DYNC2H1: variants seen among roughly 807,000 people sequenced by gnomAD.
DYNC2H1 encodes dynein cytoplasmic 2 heavy chain 1.
DYNC2H1 carries 410 observed loss-of-function variants against 570.0 expected under a neutral mutation model. The ratio of observed to expected loss-of-function variants is 0.72; its 90% CI spans 0.66 to 0.78. The LOEUF is 0.78. DYNC2H1 is among the 30% of genes least tolerant of loss of function. The pLI is 0.00. For missense variants in DYNC2H1, 4,865 were observed against 5,046.4 expected, an observed-to-expected ratio of 0.96 and a Z score of 1.09; for synonymous variants, 1,688 against 1,677.6, an observed-to-expected ratio of 1.01 and a Z score of -0.15.
intron 84 of DYNC2H1, among the ~76,000 whole-genome samples, chr11:103,415,706 T>G (rs1943255810): frequency 6.6e-6 from 1 of 152,222 alleles, no homozygotes; most frequent in African/African-American, 2.4e-5. Flanking sequence ...TTGGTGGGAC[T>G]GTAAACTGGT....
intron 54 of DYNC2H1, among the ~76,000 whole-genome samples, chr11:103,214,891 G>A (rs1863320317): frequency 6.7e-6 from 1 of 149,284 alleles, no homozygotes; most frequent in African/African-American, 2.5e-5. Context: ...ATTCCTAGGT[G>A]TTATTTATTT....
chr11:103,374,711 C>T (rs1941320466), intron 83 of DYNC2H1, among the ~76,000 whole-genome samples: 1 of 152,114 alleles, frequency 6.6e-6, no homozygotes, highest in Non-Finnish European at 1.5e-5. Flanking sequence ...TTTGACCCTG[C>T]CCTAGAGAAC....
intron 84 of DYNC2H1, among the ~76,000 whole-genome samples, chr11:103,413,904 A>T (rs182721299): frequency 3.9e-4 from 60 of 152,312 alleles, no homozygotes; most frequent in African/African-American, 1.4e-3. Context: ...TTAGCAAGAG[A>T]TTTTAACTTC....
chr11:103,415,412 A>G (rs914626526), intron 84 of DYNC2H1, among the ~76,000 whole-genome samples: 2 of 152,188 alleles, frequency 1.3e-5, no homozygotes, highest in Non-Finnish European at 2.9e-5. Flanking sequence ...AATTTTTGCA[A>G]TCTATTCATC....
intron 47 of DYNC2H1, among the ~76,000 whole-genome samples, chr11:103,196,663 G>C (rs1034181083): frequency 6.6e-6 from 1 of 152,112 alleles, no homozygotes; most frequent in Non-Finnish European, 1.5e-5. Flanking sequence ...ACCCCAGGGA[G>C]TATCAGTATA....
rs1437736592 is a variant in DYNC2H1, at chr11:103,204,151, A to C, written c.8311+375A>C. ...GTGCAGAAAAACTCCTGTTTTTAAA[A>C]CCATGAGATCTCATGAGAGCCATTC... On this transcript the variant is annotated intron_variant, in intron 51 of 88. Coordinates refer to ENST00000375735, the MANE Select transcript of DYNC2H1 (RefSeq NM_001377.3). This position sits in a 1 kb window ranked among gnomAD's most constrained non-coding sequence, Gnocchi z 4.1. Among the ~76,000 whole-genome samples, 1 of 152,188 alleles carries C rather than the reference A, an allele frequency of 6.6e-6. No individual in the cohort carries two copies. Among genetic ancestry groups the C allele is most frequent in the South Asian group, 2.1e-4 (1 of 4,814 alleles).
chr11:103,143,832 C>CA (rs1442848918), intron 18 of DYNC2H1, among the ~76,000 whole-genome samples: 1 of 152,078 alleles, frequency 6.6e-6, no homozygotes, highest in Non-Finnish European at 1.5e-5. Context: ...TAAATGTGGA[C>CA]AAAAGCCTCT....
At chr11:103,407,493 G>A (rs990486990) in intron 84 of DYNC2H1, 1 of 151,926 alleles carries the variant, frequency 6.6e-6, no homozygotes, top group Admixed American at 6.6e-5. Flanking sequence ...GACATATGCA[G>A]AATGCTAGCG....
In DYNC2H1 at chr11:103,364,596, G is replaced by GT. The variant is rs1403229805; in HGVS notation, c.12156+6239dup. ...AGACTCTGGTTCGTATTTAAATCTT[G>GT]TTGTTTTTTTTTTTTTTTAAGCAGG... On this transcript the variant is annotated intron_variant, in intron 83 of 88. Coordinates refer to ENST00000375735, the MANE Select transcript of DYNC2H1 (RefSeq NM_001377.3). Among the ~76,000 whole-genome samples, 304 of 140,368 alleles carry GT rather than the reference G, an allele frequency of 2.2e-3. 1 individual carries two copies. The highest frequency in any genetic ancestry group is 8.0e-3 in the African/African-American group (290 of 36,066). The allele number at this position is 140,368 out of a possible 152,430, so 92.1% of individuals were successfully genotyped here. A position where few individuals can be genotyped will look rare whatever the true frequency, so the allele number is the denominator to read the frequency against.
intron 29 of DYNC2H1, among the ~76,000 whole-genome samples, chr11:103,162,208 T>C (rs1463049991): frequency 1.0e-5 from 1 of 99,802 alleles, no homozygotes; most frequent in Admixed American, 1.1e-4. Flanking sequence ...TCTGTTGCCA[T>C]GCACTGAGAG....
At position 103,204,610 on chromosome 11, in the gene DYNC2H1, G is replaced by A. The variant is rs918586535; in HGVS notation, c.8312-212G>A. 6.6e-6 allele frequency among the ~76,000 whole-genome samples: 1 copy of A among 151,668 alleles called. No homozygotes were observed. Among genetic ancestry groups the A allele is most frequent in the East Asian group, 1.9e-4 (1 of 5,180 alleles). ...CATTATGACACTTACATTTTTCATG[G>A]ACATTTTTCTGAGTCTTTTTTCTTA... On this transcript the variant is annotated intron_variant, in intron 51 of 88. Transcript: ENST00000375735. This position sits in a 1 kb window ranked among gnomAD's most constrained non-coding sequence, Gnocchi z 4.1.
At position 103,157,901 on chromosome 11, in the gene DYNC2H1, C is replaced by G. The variant is rs1037026527; in HGVS notation, c.4128-776C>G. Among the ~76,000 whole-genome samples the G allele has an allele frequency of 2.0e-5, 3 of 152,144 alleles. No individual in the cohort carries two copies. Among genetic ancestry groups the G allele is most frequent in the African/African-American group, 7.2e-5 (3 of 41,448 alleles). ...CTAGCTTTTAGTTTCTCGGTCATAC[C>G]TATCTTCTTCCCAGAATCTTTGCCA... On this transcript the variant is annotated intron_variant, in intron 26 of 88. Coordinates refer to ENST00000375735, the MANE Select transcript of DYNC2H1 (RefSeq NM_001377.3). The surrounding 1 kb of genome is among the most constrained non-coding windows in gnomAD (Gnocchi z 4.2).
rs1270138556 is a variant in DYNC2H1 at position 103,231,326 on chromosome 11, G to T, written c.9420G>T (p.Lys3140Asn). The T allele has an allele frequency of 1.2e-6, 2 of 1,605,166 alleles. No homozygotes were observed. Among genetic ancestry groups the T allele is most frequent in the South Asian group, 1.1e-5 (1 of 89,108 alleles). The change falls in exon 60 of 89, where the codon AAG (lysine) becomes AAT (asparagine). Residue 3140 changes from lysine to asparagine, a missense_variant. By Grantham distance (94) the Lys-to-Asn change is moderately conservative (BLOSUM62 0). Coordinates refer to ENST00000375735, the MANE Select transcript of DYNC2H1 (RefSeq NM_001377.3). ...LEELLNSVGQKVSELKEKFQS... is the reference protein window; with the variant it reads ...LEELLNSVGQNVSELKEKFQS... Reference sequence around the variant, plus strand: ...AGCTTCTTAATTCTGTTGGTCAAAAGGTATCAGAACTCAAAGAAAAGTAAG... The same window carrying T: ...AGCTTCTTAATTCTGTTGGTCAAAATGTATCAGAACTCAAAGAAAAGTAAG...
At chr11:103,431,129 G>A (rs1408035105) in intron 84 of DYNC2H1, among the ~76,000 whole-genome samples, 1 of 150,244 alleles carries the variant, frequency 6.7e-6, no homozygotes, top group Non-Finnish European at 1.5e-5. Context: ...TTCTGCTTTT[G>A]TGACATCTTT....
intron 70 of DYNC2H1, among the ~76,000 whole-genome samples, chr11:103,278,487 C>T (rs2135330646): frequency 6.6e-6 from 1 of 152,266 alleles, no homozygotes; most frequent in South Asian, 2.1e-4. Context: ...TAATTTGTTT[C>T]TGGCTAAGGT....
intron 6 of DYNC2H1, among the ~76,000 whole-genome samples, chr11:103,118,854 C>T (rs1858553094): frequency 6.6e-6 from 1 of 152,072 alleles, no homozygotes; most frequent in African/African-American, 2.4e-5. Flanking sequence ...ATTTTTAGTG[C>T]TGTTAAGTTT....
intron 18 of DYNC2H1, 32 bp from the exon 19 acceptor site, chr11:103,147,740 C>A: frequency 7.4e-7 from 1 of 1,350,868 alleles, no homozygotes; most frequent in Non-Finnish European, 1.0e-6. Context: ...TAGTCTTTTC[C>A]ATGTCAAAAT....
chr11:103,455,794 C>A (rs1944767104), intron 86 of DYNC2H1, among the ~76,000 whole-genome samples: 1 of 152,102 alleles, frequency 6.6e-6, no homozygotes, highest in Non-Finnish European at 1.5e-5. Context: ...TAAGATCAAG[C>A]TCCTTTTCTT....
chr11:103,119,659 T>C (rs1247506671), intron 6 of DYNC2H1, among the ~76,000 whole-genome samples: 1 of 152,154 alleles, frequency 6.6e-6, no homozygotes, highest in Non-Finnish European at 1.5e-5. Context: ...ATTTCTTTGA[T>C]AGCTTTCAAG....
Sources: allele counts gnomAD v4.1 joint callset (sites outside exome capture counted in the v4.1 genomes callset), GRCh38; gene constraint gnomAD v4.1.1; non-coding constraint Gnocchi (gnomAD v3.1); transcripts MANE v1.5; gene names NCBI Gene and HGNC (gene_info 2026-07-23, HGNC 2026-07-21).